The following CPNE3 variants were observed in gnomAD, a reference collection of about 807,000 sequenced individuals.
CPNE3 encodes copine 3.
A neutral mutation model predicts 63.9 loss-of-function variants in CPNE3; 68 were observed. The observed-to-expected ratio is 1.06, with a 90% CI of 0.87 to 1.30. CPNE3 has a LOEUF of 1.30. Among genes scored for constraint, CPNE3 ranks in the 50% most tolerant of loss-of-function variants. The probability of loss-of-function intolerance (pLI) is 0.00; values close to 1 mark genes in which losing one functional copy is unlikely to be tolerated. For synonymous variants in CPNE3, 219 were observed against 197.5 expected (o/e 1.11, Z -0.91); for missense variants, 665 against 578.1 (o/e 1.15, Z -1.54).
chr8:86,534,377 C>G (rs1171902040), intron 6 of CPNE3, among the ~76,000 whole-genome samples: 1 of 152,022 alleles, frequency 6.6e-6, no homozygotes, highest in Non-Finnish European at 1.5e-5. Flanking sequence ...GTCTGTAGGC[C>G]CGGTGTGGTG....
At chr8:86,523,839 C>T (rs564890906) in intron 2 of CPNE3, among the ~76,000 whole-genome samples, 12 of 152,264 alleles carry the variant, frequency 7.9e-5, no homozygotes, top group Non-Finnish European at 1.3e-4. Context: ...CCCCCTACCT[C>T]GCCCACCCAA....
chr8:86,537,408 T>C (rs963751961), intron 6 of CPNE3, among the ~76,000 whole-genome samples, 155 bp from the exon 7 acceptor site: 4 of 152,202 alleles, frequency 2.6e-5, no homozygotes, highest in African/African-American at 9.7e-5. Context: ...TCCGTAAGTT[T>C]CTAAGTTAGG....
intron 6 of CPNE3, 96 bp from the exon 7 acceptor site, chr8:86,537,467 C>T: frequency 2.6e-6 from 2 of 764,054 alleles, no homozygotes; most frequent in Admixed American, 1.8e-5. Flanking sequence ...TAGAGTTAGA[C>T]TTCAGGTGGT....
chr8:86,532,447 GCTTAAGTGT>G, intron 5 of CPNE3, 53 bp from the exon 6 acceptor site: 2 of 1,240,672 alleles, frequency 1.6e-6, no homozygotes, highest in Non-Finnish European at 2.3e-6. Flanking sequence ...ATAAATCAGT[GCTTAAGTGT>G]CTATCAGAAT....
intron 7 of CPNE3, among the ~76,000 whole-genome samples, chr8:86,538,425 C>T (rs2131464202): frequency 6.6e-6 from 1 of 152,208 alleles, no homozygotes; most frequent in Non-Finnish European, 1.5e-5. Flanking sequence ...AGAACAGGGA[C>T]ATTCTATACA....
chr8:86,554,882 T>C lies in CPNE3; in HGVS notation c.1152T>C (p.Ser384=). 6.2e-7 allele frequency: 1 copy of C among 1,614,222 alleles called. No homozygotes were observed. The highest frequency in any genetic ancestry group is 8.5e-7 in the Non-Finnish European group (1 of 1,180,034). Residue 384 remains serine (S), a synonymous_variant, in exon 15 of 17, where the codon TCT becomes TCC. Coordinates refer to ENST00000517490, the MANE Select transcript of CPNE3 (RefSeq NM_003909.5). ...AAGGCATTGTAGAGGCGTATCGGTC[T>C]TGTCTTCCTCAGATAAAACTCTATG... ...GIQGIVEAYR[S]CLPQIKLYGP...
At chr8:86,526,744 T>C (rs761428262) in intron 2 of CPNE3, among the ~76,000 whole-genome samples, 12 of 152,142 alleles carry the variant, frequency 7.9e-5, no homozygotes, top group East Asian at 3.9e-4. Context: ...ACTCCTGACC[T>C]CAAGTGATCC....
intron 2 of CPNE3, among the ~76,000 whole-genome samples, chr8:86,524,195 A>G (rs905047858): frequency 1.5e-4 from 23 of 152,286 alleles, no homozygotes; most frequent in African/African-American, 5.3e-4. Context: ...TCTCTATGAC[A>G]TCTTTACTGG....
chr8:86,550,966 T>C (rs1821160005), intron 12 of CPNE3, 80 bp from the exon 13 acceptor site: 2 of 1,361,812 alleles, frequency 1.5e-6, no homozygotes, highest in Non-Finnish European at 2.0e-6. Context: ...AATGAGCTCA[T>C]ATGGATTTTA....
rs751774516 is a variant in CPNE3, at chr8:86,540,242, T to C, written c.544-3T>C. 6.3e-6 allele frequency: 10 copies of C among 1,591,400 alleles called. No individual in the cohort carries two copies. The highest frequency in any genetic ancestry group is 2.7e-5 in the African/African-American group (2 of 74,260). On this transcript the variant is annotated splice_polypyrimidine_tract_variant and splice_region_variant and intron_variant, in intron 7 of 16. Coordinates refer to ENST00000517490, the MANE Select transcript of CPNE3 (RefSeq NM_003909.5). ...ACAGCTTTTTGAAACCACATTTTTA[T>C]AGGTTGTTAAAAACAACTTGAATCC...
intron 7 of CPNE3, among the ~76,000 whole-genome samples, chr8:86,538,451 T>G (rs1194053918): frequency 6.6e-6 from 1 of 152,194 alleles, no homozygotes; most frequent in Non-Finnish European, 1.5e-5. Context: ...ACTTGAGAAA[T>G]TAACATTTGA....
rs1821427299 is a variant in CPNE3, at chr8:86,560,934, G to C, written c.*2524G>C. 6.6e-6 allele frequency: 1 copy of C among 152,106 alleles called. No individual in the cohort carries two copies. Among genetic ancestry groups the C allele is most frequent in the African/African-American group, 2.4e-5 (1 of 41,414 alleles). 9.4% of individuals were successfully genotyped at this position (152,106 alleles called of 1,614,324 possible). On this transcript the variant is annotated 3_prime_UTR_variant, in exon 17 of 17. Transcript: ENST00000517490. ...ATTACAAATATATATCGGAGTGACG[G>C]TGCCCAGGATAGATGTAATATTTCT...
intron 2 of CPNE3, among the ~76,000 whole-genome samples, chr8:86,517,355 A>G (rs1051993782): frequency 6.6e-6 from 1 of 152,192 alleles, no homozygotes; most frequent in Non-Finnish European, 1.5e-5. Flanking sequence ...AAATGGTTGT[A>G]TTATATCTAG....
At chr8:86,528,805 T>A in intron 3 of CPNE3, 128 bp downstream of exon 3, 1 of 1,362,532 alleles carries the variant, frequency 7.3e-7, no homozygotes, top group Non-Finnish European at 9.8e-7. Context: ...AAGTTTGTCC[T>A]TGATTGTAGA....
Position 86,533,387 on chromosome 8 carries a change from A to G in CPNE3, c.459+807A>G, listed in dbSNP as rs568470737. ...GCGAAACCCCATCTCTACAAAAAAT[A>G]CAAAAATTAGCTGGGTGTGGTGGCA... is the stretch of plus-strand genomic sequence containing the variant. On this transcript the variant is annotated intron_variant, in intron 6 of 16. Coordinates refer to ENST00000517490, the MANE Select transcript of CPNE3 (RefSeq NM_003909.5). Among the ~76,000 whole-genome samples, 97 of 152,230 alleles carry G rather than the reference A, an allele frequency of 6.4e-4. 1 individual carries two copies. The highest frequency in any genetic ancestry group is 2.5e-3 in the South Asian group (12 of 4,830).
In CPNE3 at chr8:86,551,801, G is replaced by A. The variant is rs1376037589; in HGVS notation, c.1120+567G>A. 2.0e-5 allele frequency among the ~76,000 whole-genome samples: 3 copies of A among 152,000 alleles called. 1 individual carries two copies. The South Asian group carries it at 6.2e-4, about 32-fold the overall frequency. On this transcript the variant is annotated intron_variant, in intron 14 of 16. Coordinates refer to ENST00000517490, the MANE Select transcript of CPNE3 (RefSeq NM_003909.5). ...TGTAGAGAGCAGGAGGCAAATATTT[G>A]TCTTTCATTTCACTTTTTTCTTTTA...
chr8:86,521,654 A>G (rs1343790684), intron 2 of CPNE3: 2 of 152,194 alleles, frequency 1.3e-5, no homozygotes, highest in African/African-American at 2.4e-5. Context: ...ATTTTGGCAT[A>G]AAGGGGAAAA....
At position 86,548,302 on chromosome 8, in the gene CPNE3, T is replaced by G; in HGVS notation, c.881T>G (p.Val294Gly). The change falls in exon 12 of 17, where the codon GTG becomes GGG. Residue 294 changes from valine (V) to glycine (G), a missense_variant and splice_region_variant. Coordinates refer to ENST00000517490, the MANE Select transcript of CPNE3 (RefSeq NM_003909.5). Reference sequence around the variant, plus strand: ...AGGGCTGCAATTGTTATTTGGCAGGTGGGAGTGGACTTCACTGGCTCCAAT... The same window carrying G: ...AGGGCTGCAATTGTTATTTGGCAGGGGGGAGTGGACTTCACTGGCTCCAAT... The part of the protein sequence containing the change: ...IMGGCQLNFT[V>G]GVDFTGSNGD... The G allele has an allele frequency of 6.2e-7, 1 of 1,613,918 alleles. No homozygotes were observed. The highest frequency in any genetic ancestry group is 2.2e-5 in the East Asian group (1 of 44,864).
chr8:86,532,607 A>C, intron 6 of CPNE3, 27 bp downstream of exon 6: 1 of 1,580,960 alleles, frequency 6.3e-7, no homozygotes, highest in Non-Finnish European at 8.6e-7. Context: ...GATTTCAAAA[A>C]GGTTGTCATG....
Sources: allele counts gnomAD v4.1 joint callset (sites outside exome capture counted in the v4.1 genomes callset), GRCh38; gene constraint gnomAD v4.1.1; transcripts MANE v1.5; gene names NCBI Gene and HGNC (gene_info 2026-07-23, HGNC 2026-07-21).